The following TRABD2B variants were observed in gnomAD, a reference collection of about 807,000 sequenced individuals.
The protein encoded by TRABD2B is TraB domain containing 2B.
A neutral mutation model predicts 40.1 loss-of-function variants in TRABD2B; 14 were observed. The observed-to-expected ratio is 0.35, with a 90% CI of 0.23 to 0.55. TRABD2B has a LOEUF of 0.55. Among genes scored for constraint, TRABD2B ranks in the 20% least tolerant of loss-of-function variants. The pLI, the probability that TRABD2B is intolerant of heterozygous loss-of-function variation, is 0.90. For missense variants in TRABD2B, 541 were observed against 648.6 expected (o/e 0.83, Z 1.80); for synonymous variants, 263 against 277.0 (o/e 0.95, Z 0.50).
At chr1:47,908,538 T>A (rs1255463931) in intron 2 of TRABD2B, among the ~76,000 whole-genome samples, 1 of 152,178 alleles carries the variant, frequency 6.6e-6, no homozygotes, top group Admixed American at 6.5e-5. Context: ...TGCCTGGGAC[T>A]ACCCAGTCTG....
In TRABD2B at chr1:47,943,197, G is replaced by A. The variant is rs189452982; in HGVS notation, c.666+50837C>T. On this transcript the variant is annotated intron_variant, in intron 2 of 6. Transcript: ENST00000606738. ...ACACGCACACGCAATCCCCACTCAAGGACATGGCACATGACTAGTGTTTAA... is the reference window on the plus strand; with the variant it reads ...ACACGCACACGCAATCCCCACTCAAAGACATGGCACATGACTAGTGTTTAA... Among the ~76,000 whole-genome samples, 650 of 152,316 alleles carry A rather than the reference G, an allele frequency of 4.3e-3. 7 individuals are homozygous for A. The highest frequency in any genetic ancestry group is 0.011 in the South Asian group (52 of 4,830).
intron 4 of TRABD2B, among the ~76,000 whole-genome samples, chr1:47,789,055 C>G (rs1036180244): frequency 6.6e-6 from 1 of 152,146 alleles, no homozygotes; most frequent in African/African-American, 2.4e-5. Flanking sequence ...CCTGGAGATA[C>G]CTTGACTCAA....
At chr1:47,948,236 G>A (rs1236759913) in intron 2 of TRABD2B, among the ~76,000 whole-genome samples, 2 of 151,678 alleles carry the variant, frequency 1.3e-5, no homozygotes, top group Non-Finnish European at 2.9e-5. Flanking sequence ...TTATCCTGAG[G>A]GCATATCCTG....
intron 1 of TRABD2B, among the ~76,000 whole-genome samples, chr1:47,995,969 T>C (rs988932919): frequency 1.3e-5 from 2 of 152,178 alleles, no homozygotes; most frequent in Admixed American, 6.5e-5. Context: ...AATGCATTAA[T>C]TTACACTTAG....
chr1:47,864,537 A>G (rs1029744242), intron 2 of TRABD2B, among the ~76,000 whole-genome samples: 4 of 152,088 alleles, frequency 2.6e-5, no homozygotes, highest in Non-Finnish European at 5.9e-5. Context: ...AAAATTACTC[A>G]GTTTTCTCAA....
intron 2 of TRABD2B, among the ~76,000 whole-genome samples, chr1:47,846,896 A>ACACACACACAC (rs1557610238): frequency 2.7e-5 from 4 of 148,346 alleles, no homozygotes; most frequent in Non-Finnish European, 4.5e-5. Flanking sequence ...ACACACACAC[A>ACACACACACAC]AATGAGGGCT....
At chr1:47,874,333 C>T (rs1272367439) in intron 2 of TRABD2B, among the ~76,000 whole-genome samples, 321 of 124,124 alleles carry the variant, frequency 2.6e-3, no homozygotes, top group African/African-American at 5.0e-3. Flanking sequence ...ACTGCAGTGG[C>T]GCAATCTCGG....
Position 47,821,142 on chromosome 1 carries a change from A to G in TRABD2B, c.667-19523T>C, listed in dbSNP as rs567542349. On this transcript the variant is annotated intron_variant, in intron 2 of 6. Transcript: ENST00000606738. ...GAAACGGCCTCCTGTTTCTCCCAGTAGTGTTCCAGAAATGCCAGGGCATCA... is the reference window on the plus strand; with the variant it reads ...GAAACGGCCTCCTGTTTCTCCCAGTGGTGTTCCAGAAATGCCAGGGCATCA... Among the ~76,000 whole-genome samples, 10 of 152,266 alleles carry G rather than the reference A, an allele frequency of 6.6e-5. 1 individual carries two copies. The South Asian group carries it at 2.1e-3, about 32-fold the overall frequency.
chr1:47,962,370 A>G (rs975306835), intron 2 of TRABD2B, among the ~76,000 whole-genome samples: 1 of 152,144 alleles, frequency 6.6e-6, no homozygotes, highest in Non-Finnish European at 1.5e-5. Flanking sequence ...AAAAACAAAC[A>G]AACAAATAAA....
intron 2 of TRABD2B, among the ~76,000 whole-genome samples, chr1:47,933,100 T>G (rs1448931035): frequency 8.4e-6 from 1 of 119,450 alleles, no homozygotes; most frequent in Admixed American, 1.1e-4. Flanking sequence ...AGCCCCCATC[T>G]CCTGTCATTT....
intron 2 of TRABD2B, among the ~76,000 whole-genome samples, chr1:47,911,817 A>T (rs533931537): frequency 6.6e-6 from 1 of 152,380 alleles, no homozygotes; most frequent in East Asian, 1.9e-4. Flanking sequence ...TTCATAAATC[A>T]TTAAGAATTA....
chr1:47,955,167 T>C (rs1292941027), intron 2 of TRABD2B, among the ~76,000 whole-genome samples: 1 of 152,178 alleles, frequency 6.6e-6, no homozygotes, highest in Admixed American at 6.5e-5. Flanking sequence ...GCTTTTTCCT[T>C]CATGACATTT....
At chr1:47,934,384 T>C (rs1193040823) in intron 2 of TRABD2B, among the ~76,000 whole-genome samples, 1 of 152,182 alleles carries the variant, frequency 6.6e-6, no homozygotes, top group East Asian at 1.9e-4. Flanking sequence ...CCCACAGCCC[T>C]GTCCTAGCTG....
chr1:47,894,853 C>T (rs11211625), intron 2 of TRABD2B, among the ~76,000 whole-genome samples: 22,070 of 152,046 alleles, frequency 0.15, 1,859 homozygotes, highest in East Asian at 0.35. Flanking sequence ...AGGACACAGA[C>T]ATGACTCAGA....
intron 2 of TRABD2B, among the ~76,000 whole-genome samples, chr1:47,968,121 T>C (rs900728299): frequency 2.0e-5 from 3 of 152,344 alleles, no homozygotes; most frequent in African/African-American, 7.2e-5. Flanking sequence ...AAGTATTACC[T>C]ACTAGAGATA....
chr1:47,786,592 T>C (rs1373579837), intron 4 of TRABD2B, among the ~76,000 whole-genome samples: 2 of 152,216 alleles, frequency 1.3e-5, no homozygotes, highest in Non-Finnish European at 1.5e-5. Flanking sequence ...TGAAGCACCG[T>C]TGGAAATTCT....
At chr1:47,880,687 G>A (rs545391009) in intron 2 of TRABD2B, among the ~76,000 whole-genome samples, 48 of 152,272 alleles carry the variant, frequency 3.2e-4, no homozygotes, top group Non-Finnish European at 6.0e-4. Flanking sequence ...GTCTTACCTG[G>A]GGAGATGCTC....
chr1:47,791,670 G>A (rs1438716630), intron 4 of TRABD2B, among the ~76,000 whole-genome samples: 1 of 152,174 alleles, frequency 6.6e-6, no homozygotes, highest in East Asian at 1.9e-4. Context: ...TCCACCAAGA[G>A]AGTGCTTAGT....
intron 2 of TRABD2B, among the ~76,000 whole-genome samples, chr1:47,835,419 C>T (rs1645305521): frequency 6.6e-6 from 1 of 152,128 alleles, no homozygotes; most frequent in Non-Finnish European, 1.5e-5. Flanking sequence ...TTAATCTACA[C>T]AACCAAGAAG....
Sources: gnomAD v4.1 joint callset for allele counts (sites outside exome capture counted in the v4.1 genomes callset) on GRCh38, gnomAD v4.1.1 for gene constraint, MANE v1.5 for transcripts, NCBI Gene and HGNC (gene_info 2026-07-23, HGNC 2026-07-21) for gene names.